The following MTARC1 variants were observed in gnomAD, a reference collection of about 807,000 sequenced individuals.
The protein encoded by MTARC1 is mitochondrial amidoxime reducing component 1.
MTARC1 carries 24 observed loss-of-function variants against 33.6 expected under a neutral mutation model. The ratio of observed to expected loss-of-function variants is 0.72; its 90% CI spans 0.52 to 1.01. The LOEUF (loss-of-function observed/expected upper bound fraction) is 1.01, where lower values mean the gene tolerates loss of function less well. Ranked by LOEUF, MTARC1 falls within the 50% of genes least tolerant of loss-of-function variation. The pLI is 0.00. For missense variants in MTARC1, 417 were observed against 445.7 expected, an observed-to-expected ratio of 0.94 and a Z score of 0.58; for synonymous variants, 187 against 189.5, an observed-to-expected ratio of 0.99 and a Z score of 0.11.
intron 4 of MTARC1, chr1:220,799,173 A>G: frequency 8.1e-6 from 8 of 985,094 alleles, no homozygotes; most frequent in Non-Finnish European, 8.4e-6. Flanking sequence ...AGGATAATAA[A>G]AGTACGCCCA....
intron 1 of MTARC1, 82 bp downstream of exon 1, chr1:220,787,301 GC>G: frequency 7.0e-7 from 1 of 1,419,200 alleles, no homozygotes; most frequent in Non-Finnish European, 9.2e-7. Context: ...GGGGAGGTCT[GC>G]AGAGTCTGCT....
intron 3 of MTARC1, 96 bp from the exon 4 acceptor site, chr1:220,797,778 G>A (rs2102594903): frequency 2.7e-6 from 3 of 1,100,014 alleles, no homozygotes; most frequent in Non-Finnish European, 4.0e-6. Context: ...GTGTGGGGTG[G>A]GGTGGAGCAT....
At chr1:220,796,549 C>A in intron 2 of MTARC1, 94 bp from the exon 3 acceptor site, 1 of 1,360,252 alleles carries the variant, frequency 7.4e-7, no homozygotes, top group Non-Finnish European at 9.8e-7. Context: ...AGTAATGTTA[C>A]AGCTAGGAGC....
At chr1:220,809,909 T>C (rs1673076812) in intron 6 of MTARC1, among the ~76,000 whole-genome samples, 1 of 152,224 alleles carries the variant, frequency 6.6e-6, no homozygotes, top group African/African-American at 2.4e-5. Flanking sequence ...AGTGACCAGA[T>C]ACTCTGCCTG....
At chr1:220,805,498 A>G (rs2102604428) in intron 6 of MTARC1, among the ~76,000 whole-genome samples, 1 of 152,348 alleles carries the variant, frequency 6.6e-6, no homozygotes, top group East Asian at 1.9e-4. Context: ...TAGAAATCAT[A>G]ATTCAAATAA....
At chr1:220,804,987 T>C in intron 4 of MTARC1, 65 bp from the exon 5 acceptor site, 2 of 1,568,072 alleles carry the variant, frequency 1.3e-6, no homozygotes, top group Non-Finnish European at 1.8e-6. Context: ...TCCTGGGAAA[T>C]CTCTACACAC....
Position 220,813,387 on chromosome 1 carries a change from T to TG in MTARC1, c.986dup (p.Asp330ArgfsTer22). The TG allele has an allele frequency of 6.2e-7, 1 of 1,614,140 alleles. No homozygotes were observed. The highest frequency in any genetic ancestry group is 1.3e-5 in the African/African-American group (1 of 75,010). ...CTGGAAAACCCAGGGACCATCAAAGTGGGAGACCCTGTGTACCTGCTGGGC... is the reference window on the plus strand; with the variant it reads ...CTGGAAAACCCAGGGACCATCAAAGTGGGGAGACCCTGTGTACCTGCTGGGC... On this transcript the variant is annotated frameshift_variant, in exon 7 of 7. Coordinates refer to ENST00000366910, the MANE Select transcript of MTARC1 (RefSeq NM_022746.4). LOFTEE classifies it high-confidence loss of function.
rs11803233 is a variant in MTARC1 at position 220,798,461 on chromosome 1, G to A, written c.753+447G>A. 2,694 of 985,408 alleles carry A rather than the reference G, an allele frequency of 2.7e-3. 37 individuals are homozygous for A. The African/African-American group carries it at 0.038, about 14-fold the overall frequency. The allele number at this position is 985,408 out of a possible 1,614,324, so 61.0% of individuals were successfully genotyped here. A position where few individuals can be genotyped will look rare whatever the true frequency, so the allele number is the denominator to read the frequency against. On this transcript the variant is annotated intron_variant, in intron 4 of 6. Coordinates refer to ENST00000366910, the MANE Select transcript of MTARC1 (RefSeq NM_022746.4). Reference sequence around the variant, plus strand: ...GGTTGGGAGAGGTTGTTGCCCCTAAGCTTCATGGCACTACCCTGAAATGCT... The same window carrying A: ...GGTTGGGAGAGGTTGTTGCCCCTAAACTTCATGGCACTACCCTGAAATGCT...
chr1:220,809,413 G>T (rs762127668), intron 6 of MTARC1, among the ~76,000 whole-genome samples: 1 of 152,152 alleles, frequency 6.6e-6, no homozygotes, highest in South Asian at 2.1e-4. Context: ...AACCTAACAC[G>T]AACTTGCCCA....
At chr1:220,801,636 T>C (rs1485055657) in intron 4 of MTARC1, among the ~76,000 whole-genome samples, 1 of 152,086 alleles carries the variant, frequency 6.6e-6, no homozygotes, top group Non-Finnish European at 1.5e-5. Flanking sequence ...GGAGGGGAGC[T>C]GAGAGCACAG....
At chr1:220,787,429 T>C (rs191120688) in intron 1 of MTARC1, among the ~76,000 whole-genome samples, 410 of 152,268 alleles carry the variant, frequency 2.7e-3, no homozygotes, top group Middle Eastern at 0.014. Context: ...TCTGAGCGCG[T>C]GGACCCGTTT....
intron 6 of MTARC1, among the ~76,000 whole-genome samples, chr1:220,805,574 C>T (rs1467360505): frequency 1.3e-5 from 2 of 151,938 alleles, no homozygotes; most frequent in Non-Finnish European, 2.9e-5. Context: ...TTAGATGATA[C>T]CAAAAAATGT....
At chr1:220,791,975 G>C (rs1443975535) in intron 2 of MTARC1, among the ~76,000 whole-genome samples, 1 of 152,148 alleles carries the variant, frequency 6.6e-6, no homozygotes, top group Non-Finnish European at 1.5e-5. Flanking sequence ...CACAAAAATG[G>C]GGTGGGAGTG....
In MTARC1 at chr1:220,818,278, G is replaced by A. The variant is rs1673320987; in HGVS notation, c.*4860G>A. The A allele has an allele frequency of 6.6e-6, 1 of 152,220 alleles. No individual in the cohort carries two copies. Among genetic ancestry groups the A allele is most frequent in the Non-Finnish European group, 1.5e-5 (1 of 68,092 alleles). The allele number at this position is 152,220 out of a possible 1,614,324, so 9.4% of individuals were successfully genotyped here. On this transcript the variant is annotated 3_prime_UTR_variant, in exon 7 of 7. Coordinates refer to ENST00000366910, the MANE Select transcript of MTARC1 (RefSeq NM_022746.4). Reference sequence around the variant, plus strand: ...AACACAGCTGAGGAATTGGGTGGTGGGGCACCTGCTCCCATGCTCTGTGGC... The same window carrying A: ...AACACAGCTGAGGAATTGGGTGGTGAGGCACCTGCTCCCATGCTCTGTGGC...
chr1:220,808,999 G>A (rs1005631356), intron 6 of MTARC1: 43 of 452,334 alleles, frequency 9.5e-5, no homozygotes, highest in Admixed American at 2.6e-5. Context: ...ACGTTTTGCT[G>A]GATGCACGAA....
At chr1:220,796,023 G>A (rs1672605133) in intron 2 of MTARC1, among the ~76,000 whole-genome samples, 1 of 152,060 alleles carries the variant, frequency 6.6e-6, no homozygotes, top group African/African-American at 2.4e-5. Context: ...ACGCCAAACA[G>A]CCCTGCACAG....
In MTARC1 at chr1:220,786,926, C is replaced by G. The variant is rs746571735; in HGVS notation, c.-19C>G. The G allele has an allele frequency of 1.1e-4, 134 of 1,231,252 alleles. No homozygotes were observed. Among genetic ancestry groups the G allele is most frequent in the Non-Finnish European group, 1.3e-4 (133 of 988,680 alleles). The allele number at this position is 1,231,252 out of a possible 1,614,324, so 76.3% of individuals were successfully genotyped here. Reference sequence around the variant, plus strand: ...GCGCGCTCCGGCCTTGCCGCCGCCACCTCGCGGAGAAGCCAGCCATGGGCG... The same window carrying G: ...GCGCGCTCCGGCCTTGCCGCCGCCAGCTCGCGGAGAAGCCAGCCATGGGCG... On this transcript the variant is annotated 5_prime_UTR_variant, in exon 1 of 7. Transcript: ENST00000366910.
At chr1:220,791,788 A>C in intron 2 of MTARC1, 124 bp downstream of exon 2, 1 of 1,037,206 alleles carries the variant, frequency 9.6e-7, no homozygotes. Context: ...CATGTGTACC[A>C]TATACAGAAT....
chr1:220,815,161 G>A lies in MTARC1; in HGVS notation c.*1743G>A, dbSNP rs534028140. Reference sequence around the variant, plus strand: ...AACTACAGATAGATTGAGACAAAGCGAAGTGTTCAGCAAGTAGCATTACTA... The same window carrying A: ...AACTACAGATAGATTGAGACAAAGCAAAGTGTTCAGCAAGTAGCATTACTA... On this transcript the variant is annotated 3_prime_UTR_variant, in exon 7 of 7. Transcript: ENST00000366910. 5 of 152,368 alleles carry A rather than the reference G, an allele frequency of 3.3e-5. No homozygotes were observed. The highest frequency in any genetic ancestry group is 3.9e-4 in the East Asian group (2 of 5,188). The allele number at this position is 152,368 out of a possible 1,614,324, so 9.4% of individuals were successfully genotyped here.
Sources: gnomAD v4.1 joint callset for allele counts (sites outside exome capture counted in the v4.1 genomes callset) on GRCh38, gnomAD v4.1.1 for gene constraint, MANE v1.5 for transcripts, NCBI Gene and HGNC (gene_info 2026-07-23, HGNC 2026-07-21) for gene names.